SP100: variants seen among roughly 807,000 people sequenced by gnomAD.
SP100 encodes the protein SP100 nuclear body protein, also known as nuclear autoantigen Sp-100.
Under a neutral mutation model 130.0 loss-of-function variants are expected in SP100, and 84 were observed. The observed-to-expected ratio is 0.65, with a 90% CI of 0.54 to 0.77. SP100 has a LOEUF of 0.77. SP100 is among the 30% of genes least tolerant of loss of function. SP100 has a pLI of 0.00. For missense variants in SP100, 978 were observed against 1,052.2 expected, an observed-to-expected ratio of 0.93 and a Z score of 0.97; for synonymous variants, 331 against 351.7, an observed-to-expected ratio of 0.94 and a Z score of 0.66.
chr2:230,473,254 AT>A (rs2065364085), intron 15 of SP100, 69 bp from the exon 16 acceptor site: 1 of 1,029,108 alleles, frequency 9.7e-7, no homozygotes, highest in East Asian at 2.4e-5. Flanking sequence ...GCAGTCACTA[AT>A]GTTGGGGGGA....
chr2:230,453,017 T>C (rs2064090198), intron 8 of SP100, among the ~76,000 whole-genome samples: 1 of 152,096 alleles, frequency 6.6e-6, no homozygotes, highest in Non-Finnish European at 1.5e-5. Flanking sequence ...TATTGGTCCA[T>C]CCTCACACTG....
chr2:230,531,232 T>C (rs1250599722), intron 24 of SP100, among the ~76,000 whole-genome samples: 4 of 152,184 alleles, frequency 2.6e-5, no homozygotes, highest in Non-Finnish European at 5.9e-5. Flanking sequence ...TGGAATACTA[T>C]GCAGCCATAA....
chr2:230,463,442 A>G, intron 10 of SP100, among the ~76,000 whole-genome samples: 1 of 152,188 alleles, frequency 6.6e-6, no homozygotes, highest in Non-Finnish European at 1.5e-5. Context: ...CACTTTAGGG[A>G]AAATACACTA....
chr2:230,471,883 G>A (rs189689949), intron 15 of SP100, among the ~76,000 whole-genome samples: 20 of 152,248 alleles, frequency 1.3e-4, no homozygotes, highest in African/African-American at 4.3e-4. Flanking sequence ...ATTTTGTGGG[G>A]GAGGGAGGGA....
intron 4 of SP100, among the ~76,000 whole-genome samples, chr2:230,445,063 C>A (rs1206889406): frequency 6.6e-6 from 1 of 152,200 alleles, no homozygotes; most frequent in Non-Finnish European, 1.5e-5. Flanking sequence ...AACCCTTTAT[C>A]CACAAGGGGT....
In SP100 at chr2:230,481,409, TG is replaced by T. The variant is rs1164612737; in HGVS notation, c.1600+6963del. On this transcript the variant is annotated intron_variant, in intron 17 of 28. Transcript: ENST00000340126. The stretch of plus-strand genomic sequence containing the variant: ...ACATTTACTAAGTTTGAGCCAAAAA[TG>T]TAGAAGGTGTGCTTGATTTCCCTCT... Among the ~76,000 whole-genome samples the T allele has an allele frequency of 2.6e-5, 4 of 152,272 alleles. No homozygotes were observed. The East Asian group carries it at 7.7e-4, about 29-fold the overall frequency.
chr2:230,524,547 G>T (rs2150100673), intron 24 of SP100, among the ~76,000 whole-genome samples: 1 of 152,174 alleles, frequency 6.6e-6, no homozygotes, highest in South Asian at 2.1e-4. Flanking sequence ...GTGAACATTT[G>T]ATATTCACAG....
Position 230,462,527 on chromosome 2 carries a change from G to A in SP100, c.1057+9G>A. ...ACCGAGAAGTGAGCCTGGTAAGGAA[G>A]TTTGGGAGAGCAAGGCTTGGGCTGT... On this transcript the variant is annotated intron_variant, in intron 10 of 28. Transcript: ENST00000340126. 6.2e-7 allele frequency: 1 copy of A among 1,606,022 alleles called. No individual in the cohort carries two copies. Among genetic ancestry groups the A allele is most frequent in the Non-Finnish European group, 8.5e-7 (1 of 1,172,822 alleles).
chr2:230,524,179 C>CAAAAAAAAAAAAAAAA (rs71420292), intron 24 of SP100, among the ~76,000 whole-genome samples: 7 of 75,374 alleles, frequency 9.3e-5, no homozygotes, highest in African/African-American at 1.6e-4. Flanking sequence ...ACTAAAAATA[C>CAAAAAAAAAAAAAAAA]AAAAAAAAAA....
intron 17 of SP100, among the ~76,000 whole-genome samples, chr2:230,476,246 C>T (rs1276635499): frequency 2.0e-5 from 3 of 152,284 alleles, no homozygotes; most frequent in Non-Finnish European, 4.4e-5. Context: ...TTGTAGATAT[C>T]TTTCACCTCC....
chr2:230,417,613 C>T lies in SP100; in HGVS notation c.55C>T (p.Pro19Ser). Reference protein sequence around the residue: ...STRRLNECISPVANEMNHLPA... With the variant: ...STRRLNECISSVANEMNHLPA... ...TAGGAGGCTGAATGAATGTATTTCA[C>T]CAGTAGCAAATGAGATGAACCATCT... The change falls in exon 2 of 29, where the codon CCA becomes TCA. Residue 19 changes from proline to serine, a missense_variant. Pro to Ser is a moderately conservative substitution (Grantham distance 74, BLOSUM62 -1). Coordinates refer to ENST00000340126, the MANE Select transcript of SP100 (RefSeq NM_001080391.2). 1 of 1,613,066 alleles carries T rather than the reference C, an allele frequency of 6.2e-7. No individual in the cohort carries two copies. The highest frequency in any genetic ancestry group is 8.5e-7 in the Non-Finnish European group (1 of 1,179,722).
intron 24 of SP100, among the ~76,000 whole-genome samples, chr2:230,527,290 A>G (rs893490684): frequency 2.0e-5 from 3 of 152,236 alleles, no homozygotes; most frequent in African/African-American, 7.2e-5. Flanking sequence ...TAAAGAAAAG[A>G]ATTTTCTACC....
chr2:230,454,995 C>A (rs1186200674), intron 8 of SP100, among the ~76,000 whole-genome samples: 3 of 152,126 alleles, frequency 2.0e-5, no homozygotes, highest in Admixed American at 6.6e-5. Context: ...ATTGTTATAT[C>A]ATCTTGATAA....
intron 10 of SP100, among the ~76,000 whole-genome samples, chr2:230,462,863 T>G (rs111718851): frequency 0.02 from 3,115 of 152,322 alleles, 127 homozygotes; most frequent in African/African-American, 0.072. Flanking sequence ...TATATAGTGA[T>G]TTTTATAGAG....
intron 17 of SP100, among the ~76,000 whole-genome samples, chr2:230,477,116 C>T (rs539584453): frequency 6.6e-6 from 1 of 152,266 alleles, no homozygotes; most frequent in Non-Finnish European, 1.5e-5. Context: ...CTGCCTGCCT[C>T]GGCCTCCCAA....
intron 11 of SP100, 93 bp downstream of exon 11, chr2:230,464,243 C>G: frequency 2.7e-6 from 2 of 752,390 alleles, no homozygotes; most frequent in South Asian, 3.1e-5. Context: ...TCTGAGTGGT[C>G]TCCTTATGCC....
chr2:230,492,432 G>T lies in SP100; in HGVS notation c.1601-1984G>T, dbSNP rs373635798. Among the ~76,000 whole-genome samples, 5 of 152,232 alleles carry T rather than the reference G, an allele frequency of 3.3e-5. No homozygotes were observed. In the South Asian group the frequency reaches 1.0e-3, roughly 32 times the overall value. Reference sequence around the variant, plus strand: ...TGATCCTCTTACCTCAGCCTCAAGAGTAGTTAGGACTACAGGTGTGCACCA... The same window carrying T: ...TGATCCTCTTACCTCAGCCTCAAGATTAGTTAGGACTACAGGTGTGCACCA... On this transcript the variant is annotated intron_variant, in intron 17 of 28. Coordinates refer to ENST00000340126, the MANE Select transcript of SP100 (RefSeq NM_001080391.2).
chr2:230,442,871 C>A, intron 2 of SP100, 66 bp from the exon 3 acceptor site: 1 of 1,407,586 alleles, frequency 7.1e-7, no homozygotes, highest in South Asian at 1.2e-5. Flanking sequence ...TATGTAAACT[C>A]TTACAGCCTC....
chr2:230,441,322 A>T (rs1248774187), intron 2 of SP100, among the ~76,000 whole-genome samples: 1 of 152,218 alleles, frequency 6.6e-6, no homozygotes, highest in African/African-American at 2.4e-5. Context: ...TAGTCTTTGA[A>T]AAACAGTTTG....
Sources: allele counts gnomAD v4.1 joint callset (sites outside exome capture counted in the v4.1 genomes callset), GRCh38; gene constraint gnomAD v4.1.1; transcripts MANE v1.5; gene names NCBI Gene and HGNC (gene_info 2026-07-23, HGNC 2026-07-21).